Variants in PRRC1 observed in about 807,000 individuals in gnomAD.
PRRC1 encodes the protein protein PRRC1.
In PRRC1, 39 loss-of-function variants were observed where a neutral mutation model predicts 40.7. That is an observed-to-expected ratio of 0.96 (90% CI 0.74 to 1.25). PRRC1 has a LOEUF of 1.25. Among genes scored for constraint, PRRC1 ranks in the 50% most tolerant of loss-of-function variants. PRRC1 has a pLI of 0.00. For synonymous variants in PRRC1, 175 were observed against 193.3 expected (o/e 0.91, Z 0.79); for missense variants, 573 against 548.3 (o/e 1.05, Z -0.45).
intron 7 of PRRC1, among the ~76,000 whole-genome samples, chr5:127,547,163 G>A (rs1186141341): frequency 6.6e-6 from 1 of 151,952 alleles, no homozygotes; most frequent in African/African-American, 2.4e-5. Context: ...ATTTGGGTTA[G>A]CTAAAATTTG....
At chr5:127,541,469 C>A (rs866377499) in intron 7 of PRRC1, among the ~76,000 whole-genome samples, 8 of 151,930 alleles carry the variant, frequency 5.3e-5, no homozygotes, top group African/African-American at 1.9e-4. Context: ...CTCCTTGTAC[C>A]TCTGGTAGAA....
intron 7 of PRRC1, among the ~76,000 whole-genome samples, chr5:127,543,873 CGTCAAA>C (rs1295557538): frequency 6.6e-6 from 1 of 152,244 alleles, no homozygotes; most frequent in East Asian, 1.9e-4. Context: ...TCTCTCAACT[CGTCAAA>C]GTCATTCTCT....
intron 7 of PRRC1, among the ~76,000 whole-genome samples, chr5:127,541,856 T>A (rs1266144968): frequency 6.6e-6 from 1 of 151,884 alleles, no homozygotes; most frequent in East Asian, 1.9e-4. Context: ...TTTGAAGGGT[T>A]TTTTGTGTCT....
At chr5:127,528,888 T>G (rs1466789919) in intron 4 of PRRC1, among the ~76,000 whole-genome samples, 1 of 152,182 alleles carries the variant, frequency 6.6e-6, no homozygotes, top group East Asian at 1.9e-4. Flanking sequence ...TGTGTTAAAA[T>G]CAGCTTCTGG....
intron 7 of PRRC1, among the ~76,000 whole-genome samples, chr5:127,544,820 C>G (rs1049203063): frequency 2.6e-5 from 4 of 152,188 alleles, no homozygotes; most frequent in Non-Finnish European, 5.9e-5. Context: ...ACTCCCTGAC[C>G]CCTTGCGCTT....
intron 5 of PRRC1, among the ~76,000 whole-genome samples, 188 bp from the exon 6 acceptor site, chr5:127,533,435 T>C (rs1169157310): frequency 6.6e-6 from 1 of 152,186 alleles, no homozygotes; most frequent in African/African-American, 2.4e-5. Flanking sequence ...GTAGATACGT[T>C]ACCTTGGGCA....
intron 8 of PRRC1, chr5:127,550,002 T>A (rs1768332025): frequency 6.6e-6 from 1 of 151,848 alleles, no homozygotes; most frequent in Non-Finnish European, 1.5e-5. Context: ...TACCAAAAGA[T>A]AGCTATTACA....
At chr5:127,519,148 A>T (rs1349256695) in intron 1 of PRRC1, among the ~76,000 whole-genome samples, 1 of 152,202 alleles carries the variant, frequency 6.6e-6, no homozygotes. Context: ...CATTGTAAGG[A>T]TTGGGGAGCA....
chr5:127,554,909 A>G lies in PRRC1; in HGVS notation c.*2993A>G, dbSNP rs1768486435. The G allele has an allele frequency of 6.6e-6, 1 of 152,636 alleles. No individual in the cohort carries two copies. The highest frequency in any genetic ancestry group is 1.5e-5 in the Non-Finnish European group (1 of 68,036). 9.5% of individuals were successfully genotyped at this position (152,636 alleles called of 1,614,324 possible). A position where few individuals can be genotyped will look rare whatever the true frequency, so the allele number is the denominator to read the frequency against. On this transcript the variant is annotated 3_prime_UTR_variant, in exon 9 of 9. Coordinates refer to ENST00000296666, the MANE Select transcript of PRRC1 (RefSeq NM_130809.5). ...AGGACTTTGTAGTTTGGGAAGCCAA[A>G]TTGATAATATTCTATGTTCTAAAAG...
At position 127,523,583 on chromosome 5, in the gene PRRC1, G is replaced by A. The variant is rs753148754; in HGVS notation, c.103+1G>A. ...ATGTCTTCTACCCCTGTTCCATTAG[G>A]TACATGTAGTTGTCTAACATCTCGT... On this transcript the variant is annotated splice_donor_variant, in intron 2 of 8. Transcript: ENST00000296666. LOFTEE classifies it high-confidence loss of function. 2.5e-6 allele frequency: 4 copies of A among 1,577,864 alleles called. No individual in the cohort carries two copies. The highest frequency in any genetic ancestry group is 3.5e-6 in the Non-Finnish European group (4 of 1,158,758).
intron 1 of PRRC1, 94 bp from the exon 2 acceptor site, chr5:127,523,366 T>C (rs914554617): frequency 3.5e-6 from 2 of 566,792 alleles, no homozygotes; most frequent in Admixed American, 3.6e-5. Flanking sequence ...CATCTATCTC[T>C]TGATGATTTT....
At chr5:127,542,909 C>G (rs1204259728) in intron 7 of PRRC1, among the ~76,000 whole-genome samples, 2 of 152,164 alleles carry the variant, frequency 1.3e-5, no homozygotes, top group African/African-American at 4.8e-5. Context: ...GAATTTGATC[C>G]CATCATTATG....
Position 127,530,274 on chromosome 5 carries a change from T to G in PRRC1, c.655-20T>G. 5 of 1,600,760 alleles carry G rather than the reference T, an allele frequency of 3.1e-6. No individual in the cohort carries two copies. The highest frequency in any genetic ancestry group is 1.7e-4 in the Middle Eastern group (1 of 6,028). ...TCCTCACTTAGAGTGAATACTTACA[T>G]ATTGATTTGTTTTATGCAGGGTGTG... On this transcript the variant is annotated intron_variant, in intron 4 of 8. Coordinates refer to ENST00000296666, the MANE Select transcript of PRRC1 (RefSeq NM_130809.5).
Position 127,533,626 on chromosome 5 carries a change from C to G in PRRC1, c.761C>G (p.Ser254Cys), listed in dbSNP as rs569275281. Residue 254 changes from serine (S) to cysteine (C), a missense_variant, in exon 6 of 9, where the codon TCT becomes TGT. Transcript: ENST00000296666. ...LDPGMAPYIK[S>C]GGELDIVVTS... ...AATTTTCCTCTGGTCTTTTTAGAAT[C>G]TGGAGGTGAACTGGATATTGTAGTG... is the stretch of plus-strand genomic sequence containing the variant. 3 of 1,607,516 alleles carry G rather than the reference C, an allele frequency of 1.9e-6. No homozygotes were observed. Among genetic ancestry groups the G allele is most frequent in the Non-Finnish European group, 2.5e-6 (3 of 1,178,080 alleles).
rs796789420 is a variant in PRRC1, at chr5:127,547,094, C to T, written c.1026-725C>T. 3.9e-5 allele frequency among the ~76,000 whole-genome samples: 6 copies of T among 151,932 alleles called. No individual in the cohort carries two copies. The South Asian group carries it at 1.2e-3, about 31-fold the overall frequency. ...TTAAAAAATAGGCATTAAACATTTT[C>T]CTGCTTCATATCCTTTTATTGTTTA... On this transcript the variant is annotated intron_variant, in intron 7 of 8. Coordinates refer to ENST00000296666, the MANE Select transcript of PRRC1 (RefSeq NM_130809.5).
At chr5:127,534,619 TG>T (rs1767848979) in intron 6 of PRRC1, among the ~76,000 whole-genome samples, 1 of 152,202 alleles carries the variant, frequency 6.6e-6, no homozygotes, top group African/African-American at 2.4e-5. Flanking sequence ...TCACTCCTTC[TG>T]TACTTCCTTT....
In PRRC1 at chr5:127,544,360, G is replaced by A. The variant is rs530792251; in HGVS notation, c.1026-3459G>A. On this transcript the variant is annotated intron_variant, in intron 7 of 8. Coordinates refer to ENST00000296666, the MANE Select transcript of PRRC1 (RefSeq NM_130809.5). ...GCCCACTTGAGGAGGCAGTCTGCCCGTTCTCAGATCTCCAGCTGCGTGCTG... is the reference window on the plus strand; with the variant it reads ...GCCCACTTGAGGAGGCAGTCTGCCCATTCTCAGATCTCCAGCTGCGTGCTG... 3.7e-4 allele frequency among the ~76,000 whole-genome samples: 57 copies of A among 152,332 alleles called. 1 individual carries two copies. Among genetic ancestry groups the A allele is most frequent in the South Asian group, 3.5e-3 (17 of 4,828 alleles).
chr5:127,548,507 GAATATA>G (rs1360830541), intron 8 of PRRC1: 2 of 147,398 alleles, frequency 1.4e-5, no homozygotes, highest in Non-Finnish European at 3.0e-5. Context: ...GAACAAAATG[GAATATA>G]AATATATACT....
In PRRC1 at chr5:127,523,573, G is replaced by T. The variant is rs370466245; in HGVS notation, c.94G>T (p.Val32Phe). The T allele has an allele frequency of 9.4e-6, 15 of 1,601,436 alleles. No individual in the cohort carries two copies. In the African/African-American group the frequency reaches 1.3e-4, roughly 14 times the overall value. ...TGCTACTGCTATGTCTTCTACCCCT[G>T]TTCCATTAGGTACATGTAGTTGTCT... is the stretch of plus-strand genomic sequence containing the variant. The part of the protein sequence containing the change: ...LAATAMSSTP[V>F]PLAATSSFSS... Residue 32 changes from valine (V) to phenylalanine (F), a missense_variant, in exon 2 of 9, where the codon GTT becomes TTT. Val to Phe is a conservative substitution (Grantham distance 50). Coordinates refer to ENST00000296666, the MANE Select transcript of PRRC1 (RefSeq NM_130809.5).
Sources: allele counts gnomAD v4.1 joint callset (sites outside exome capture counted in the v4.1 genomes callset), GRCh38; gene constraint gnomAD v4.1.1; transcripts MANE v1.5; gene names NCBI Gene and HGNC (gene_info 2026-07-23, HGNC 2026-07-21).